The following SMYD3 variants were observed in gnomAD, a reference collection of about 807,000 sequenced individuals.
SMYD3 encodes the protein histone-lysine N-methyltransferase SMYD3.
In SMYD3, 36 loss-of-function variants were observed where a neutral mutation model predicts 57.7. That is an observed-to-expected ratio of 0.62 (90% confidence interval 0.48 to 0.82). The LOEUF (loss-of-function observed/expected upper bound fraction) is 0.82. Ranked by LOEUF, SMYD3 falls within the 40% of genes least tolerant of loss-of-function variation. The pLI is 0.00. For synonymous variants in SMYD3, 211 were observed against 195.0 expected (o/e 1.08, Z -0.68); for missense variants, 515 against 538.8 (o/e 0.96, Z 0.44).
At chr1:245,878,537 T>A (rs1322801384) in intron 8 of SMYD3, among the ~76,000 whole-genome samples, 1 of 152,220 alleles carries the variant, frequency 6.6e-6, no homozygotes, top group East Asian at 1.9e-4. Flanking sequence ...GAAGTTGAGA[T>A]GGGCTTTATG....
At chr1:246,422,001 A>G (rs1025307033) in intron 1 of SMYD3, among the ~76,000 whole-genome samples, 4 of 152,004 alleles carry the variant, frequency 2.6e-5, no homozygotes, top group African/African-American at 9.7e-5. Context: ...TTCCCGGACC[A>G]CTCTCACAGA....
At chr1:245,904,087 G>A (rs1186439137) in intron 8 of SMYD3, among the ~76,000 whole-genome samples, 5 of 152,116 alleles carry the variant, frequency 3.3e-5, no homozygotes, top group Admixed American at 6.5e-5. Context: ...CTCACATCCA[G>A]GTCATGTGGG....
At chr1:246,148,526 A>G (rs2061892437) in intron 5 of SMYD3, among the ~76,000 whole-genome samples, 1 of 152,276 alleles carries the variant, frequency 6.6e-6, no homozygotes, top group Non-Finnish European at 1.5e-5. Flanking sequence ...GACACAGGAC[A>G]AAAACGGGCA....
At chr1:245,952,544 G>A (rs2057692739) in intron 5 of SMYD3, among the ~76,000 whole-genome samples, 1 of 152,156 alleles carries the variant, frequency 6.6e-6, no homozygotes, top group Non-Finnish European at 1.5e-5. Context: ...AATGAGTGAA[G>A]AGGCCTCTGG....
intron 5 of SMYD3, among the ~76,000 whole-genome samples, chr1:245,959,128 C>CAAACAAACAAACAAACAAA (rs768972937): frequency 2.4e-5 from 3 of 123,778 alleles, no homozygotes; most frequent in Admixed American, 9.1e-5. Flanking sequence ...TCTCAAAAAA[C>CAAACAAACAAACAAACAAA]AAACAAACAA....
At chr1:246,206,720 A>G (rs1340585578) in intron 5 of SMYD3, among the ~76,000 whole-genome samples, 1 of 152,174 alleles carries the variant, frequency 6.6e-6, no homozygotes, top group Non-Finnish European at 1.5e-5. Flanking sequence ...TCTAACCAAT[A>G]AATAACTAGT....
In SMYD3 at chr1:246,496,579, G is replaced by A. The variant is rs1406638948; in HGVS notation, c.164+10475C>T. Among the ~76,000 whole-genome samples the A allele has an allele frequency of 3.9e-5, 6 of 152,258 alleles. No homozygotes were observed. In the South Asian group the frequency reaches 1.0e-3, roughly 26 times the overall value. On this transcript the variant is annotated intron_variant, in intron 1 of 11. Coordinates refer to ENST00000490107, the MANE Select transcript of SMYD3 (RefSeq NM_001167740.2). The stretch of plus-strand genomic sequence containing the variant: ...GCGGTAGCTCATGCCTGTAGTCCCA[G>A]CACTTTGGGAGGCCGATGCAGGTGA...
intron 1 of SMYD3, among the ~76,000 whole-genome samples, chr1:246,457,544 A>AAAAGAAAAGAAAAGAAAAGAAAAG (rs768191962): frequency 3.4e-5 from 3 of 87,242 alleles, no homozygotes; most frequent in African/African-American, 1.2e-4. Flanking sequence ...AAAAAAAAAA[A>AAAAGAAAAGAAAAGAAAAGAAAAG]AAAAGAAAAG....
chr1:245,990,915 A>G (rs1206868965), intron 5 of SMYD3, among the ~76,000 whole-genome samples: 1 of 152,260 alleles, frequency 6.6e-6, no homozygotes, highest in African/African-American at 2.4e-5. Context: ...ACTAACTGGC[A>G]TCTACACTAG....
intron 11 of SMYD3, among the ~76,000 whole-genome samples, chr1:245,757,154 TCA>T (rs1315447508): frequency 6.6e-6 from 1 of 152,038 alleles, no homozygotes; most frequent in African/African-American, 2.4e-5. Flanking sequence ...CCTCCTCCCT[TCA>T]CACTCTGGTA....
chr1:246,167,847 A>T (rs1231611365), intron 5 of SMYD3, among the ~76,000 whole-genome samples: 1 of 152,108 alleles, frequency 6.6e-6, no homozygotes, highest in South Asian at 2.1e-4. Flanking sequence ...TTAATAACTG[A>T]TGATGAGGAG....
At chr1:245,852,710 G>T (rs2051039320) in intron 10 of SMYD3, among the ~76,000 whole-genome samples, 1 of 151,542 alleles carries the variant, frequency 6.6e-6, no homozygotes, top group Admixed American at 6.6e-5. Context: ...TTTTTCATTG[G>T]ATTTTATGTC....
chr1:246,233,336 A>G (rs1166984686), intron 5 of SMYD3, among the ~76,000 whole-genome samples: 1 of 125,336 alleles, frequency 8.0e-6, no homozygotes, highest in African/African-American at 3.0e-5. Context: ...CACACAGAGG[A>G]GAAGCGCTCC....
At chr1:246,112,847 C>A (rs1422025882) in intron 5 of SMYD3, among the ~76,000 whole-genome samples, 1 of 152,114 alleles carries the variant, frequency 6.6e-6, no homozygotes, top group African/African-American at 2.4e-5. Flanking sequence ...TAAGTAAAAA[C>A]ACTAATGAAG....
At chr1:246,192,330 G>T (rs1328702996) in intron 5 of SMYD3, among the ~76,000 whole-genome samples, 3 of 152,114 alleles carry the variant, frequency 2.0e-5, no homozygotes, top group Non-Finnish European at 4.4e-5. Context: ...TGAAGAAATT[G>T]GCAAAAAGAA....
At chr1:246,159,823 G>A (rs2062085772) in intron 5 of SMYD3, among the ~76,000 whole-genome samples, 1 of 151,938 alleles carries the variant, frequency 6.6e-6, no homozygotes, top group African/African-American at 2.4e-5. Flanking sequence ...AGTGGGGGGA[G>A]TACTTTTTTT....
At chr1:245,863,403 C>T (rs1324601207) in intron 9 of SMYD3, among the ~76,000 whole-genome samples, 1 of 152,142 alleles carries the variant, frequency 6.6e-6, no homozygotes, top group Non-Finnish European at 1.5e-5. Flanking sequence ...TAATATGAAG[C>T]TTCTGGGTCT....
Position 246,359,338 on chromosome 1 carries a change from G to A in SMYD3, c.165-4244C>T, listed in dbSNP as rs1349394512. ...GTAATTCTTTAAAAATTGCCAACAA[G>A]AAAAGTCTAGGACCATAAGGATTCA... On this transcript the variant is annotated intron_variant, in intron 1 of 11. Coordinates refer to ENST00000490107, the MANE Select transcript of SMYD3 (RefSeq NM_001167740.2). Among the ~76,000 whole-genome samples the A allele has an allele frequency of 5.9e-5, 9 of 152,086 alleles. No homozygotes were observed. In the East Asian group the frequency reaches 1.7e-3, roughly 29 times the overall value.
At chr1:246,140,764 C>T (rs1008030589) in intron 5 of SMYD3, among the ~76,000 whole-genome samples, 4 of 152,020 alleles carry the variant, frequency 2.6e-5, no homozygotes, top group Non-Finnish European at 5.9e-5. Flanking sequence ...AAGCACATGC[C>T]ATCATGCCCC....
Sources: gnomAD v4.1 joint callset for allele counts (sites outside exome capture counted in the v4.1 genomes callset) on GRCh38, gnomAD v4.1.1 for gene constraint, MANE v1.5 for transcripts, NCBI Gene and HGNC (gene_info 2026-07-23, HGNC 2026-07-21) for gene names.